The following GRID1 variants were observed in gnomAD, a reference collection of about 807,000 sequenced individuals.
The protein encoded by GRID1 is glutamate receptor ionotropic, delta-1.
In GRID1, 28 loss-of-function variants were observed where a neutral mutation model predicts 98.0. The observed-to-expected ratio is 0.29, with a 90% confidence interval of 0.21 to 0.39. GRID1 has a LOEUF of 0.39. GRID1 is among the 10% of genes least tolerant of loss of function. GRID1 has a pLI of 1.00. For synonymous variants in GRID1, 553 were observed against 538.5 expected (o/e 1.03, Z -0.37); for missense variants, 1,111 against 1,340.5 (o/e 0.83, Z 2.67).
chr10:85,955,333 C>T (rs1842175486), intron 4 of GRID1, among the ~76,000 whole-genome samples: 1 of 152,180 alleles, frequency 6.6e-6, no homozygotes, highest in Non-Finnish European at 1.5e-5. Context: ...CAAGAGGCCC[C>T]TCAGAACCTG....
At chr10:85,613,781 T>G in intron 14 of GRID1, 134 bp from the exon 15 acceptor site, 1 of 1,060,456 alleles carries the variant, frequency 9.4e-7, no homozygotes, top group Non-Finnish European at 1.4e-6. Flanking sequence ...CTGCCTTAGC[T>G]CTTCTCTTCC....
rs1419539370 is a variant in GRID1 at position 86,122,616 on chromosome 10, A to G, written c.726+16203T>C. ...TTTACCTATCTTCCTTTGGAAGCTA[A>G]AAGTAGCCAGATTTGAAAGGACACT... On this transcript the variant is annotated intron_variant, in intron 4 of 15. Transcript: ENST00000327946. 3.3e-5 allele frequency among the ~76,000 whole-genome samples: 5 copies of G among 152,258 alleles called. No individual in the cohort carries two copies. In the East Asian group the frequency reaches 9.6e-4, roughly 29 times the overall value.
intron 8 of GRID1, among the ~76,000 whole-genome samples, chr10:85,799,244 C>T (rs1842553432): frequency 6.6e-6 from 1 of 152,068 alleles, no homozygotes; most frequent in Admixed American, 6.5e-5. Flanking sequence ...GTTACTATTG[C>T]TTTGGGGTAT....
chr10:86,138,868 C>G lies in GRID1; in HGVS notation c.677G>C (p.Arg226Pro). 1 of 1,614,204 alleles carries G rather than the reference C, an allele frequency of 6.2e-7. No individual in the cohort carries two copies. Among genetic ancestry groups the G allele is most frequent in the Non-Finnish European group, 8.5e-7 (1 of 1,180,022 alleles). The change falls in exon 4 of 16, where the codon CGC (arginine) becomes CCC (proline). Residue 226 changes from arginine (R) to proline (P), a missense_variant. By Grantham distance (103) the Arg-to-Pro change is moderately radical. This residue lies in a region of GRID1 where 346 missense variants were observed against 452.3 expected (regional missense o/e 0.76). Transcript: ENST00000327946. ...CTGTGGGCTGAGCAGCAGGATGGCG[C>G]GGCGAAGCGTGTCCCGGTAGCGATT... Reference protein sequence around the residue: ...ELNRYRDTLRRAILLLSPQGA... With the variant: ...ELNRYRDTLRPAILLLSPQGA...
At chr10:85,685,021 T>G (rs1014766772) in intron 12 of GRID1, among the ~76,000 whole-genome samples, 16 of 152,180 alleles carry the variant, frequency 1.1e-4, no homozygotes, top group African/African-American at 3.4e-4. Flanking sequence ...CAGATGAGTT[T>G]TGGGGAGAGA....
chr10:86,026,175 ATTTG>A (rs1295415300), intron 4 of GRID1, among the ~76,000 whole-genome samples: 2 of 152,200 alleles, frequency 1.3e-5, no homozygotes, highest in Non-Finnish European at 2.9e-5. Flanking sequence ...GTTTCACACT[ATTTG>A]TTTGGGATAT....
intron 12 of GRID1, among the ~76,000 whole-genome samples, chr10:85,713,968 C>T (rs1221722887): frequency 6.6e-6 from 1 of 151,952 alleles, no homozygotes; most frequent in Non-Finnish European, 1.5e-5. Flanking sequence ...CTCACCATAT[C>T]TATTCAACAT....
intron 4 of GRID1, among the ~76,000 whole-genome samples, chr10:86,134,216 C>A (rs1270373639): frequency 1.3e-5 from 2 of 152,336 alleles, no homozygotes; most frequent in East Asian, 3.9e-4. Flanking sequence ...CATATCATAG[C>A]CAGTCTTGGA....
chr10:85,829,730 A>G (rs1842851052), intron 8 of GRID1, among the ~76,000 whole-genome samples: 1 of 152,204 alleles, frequency 6.6e-6, no homozygotes, highest in Admixed American at 6.5e-5. Flanking sequence ...ATACCTAGAA[A>G]TAAAGCTAAC....
intron 8 of GRID1, among the ~76,000 whole-genome samples, chr10:85,754,792 T>A (rs1274268635): frequency 2.0e-5 from 3 of 152,192 alleles, no homozygotes; most frequent in African/African-American, 7.2e-5. Context: ...CCTTGCAGAC[T>A]GTGTGACCTT....
chr10:85,821,516 C>CAAAAAAA (rs1157209045), intron 8 of GRID1, among the ~76,000 whole-genome samples: 352 of 9,064 alleles, frequency 0.039, no homozygotes, highest in Middle Eastern at 0.25. Context: ...GACTTCATCT[C>CAAAAAAA]AAAAAAAAAA....
chr10:85,677,228 CAGGT>C (rs933443793), intron 12 of GRID1, among the ~76,000 whole-genome samples: 3 of 152,170 alleles, frequency 2.0e-5, no homozygotes, highest in Non-Finnish European at 4.4e-5. Flanking sequence ...AAGTGGGACT[CAGGT>C]AGGTAAGTTT....
chr10:85,750,973 T>A (rs574628421), intron 8 of GRID1, among the ~76,000 whole-genome samples: 13 of 152,250 alleles, frequency 8.5e-5, no homozygotes, highest in African/African-American at 3.1e-4. Flanking sequence ...ACCCACAATG[T>A]TGGATAGTAA....
chr10:85,851,962 C>T (rs1426071330), intron 8 of GRID1, among the ~76,000 whole-genome samples: 2 of 152,060 alleles, frequency 1.3e-5, no homozygotes, highest in Non-Finnish European at 2.9e-5. Context: ...CCTTCACAGC[C>T]CCGTCTCCCA....
chr10:85,843,505 CA>C (rs1333663607), intron 8 of GRID1, among the ~76,000 whole-genome samples: 1 of 151,930 alleles, frequency 6.6e-6, no homozygotes, highest in African/African-American at 2.4e-5. Context: ...AAGCCAAATA[CA>C]AATTGCAATA....
chr10:86,089,378 CATTTGGAA>C (rs752972958), intron 4 of GRID1, among the ~76,000 whole-genome samples: 19,314 of 152,090 alleles, frequency 0.13, 1,864 homozygotes, highest in African/African-American at 0.27. Context: ...ACCTGGACTT[CATTTGGAA>C]CCTGGAACCC....
At chr10:85,761,992 G>T (rs1358874638) in intron 8 of GRID1, among the ~76,000 whole-genome samples, 1 of 152,196 alleles carries the variant, frequency 6.6e-6, no homozygotes, top group African/African-American at 2.4e-5. Flanking sequence ...TCTCCAATAT[G>T]TTGAAAACAT....
chr10:86,301,900 T>C (rs61856587), intron 2 of GRID1, among the ~76,000 whole-genome samples: 3,275 of 152,366 alleles, frequency 0.021, 44 homozygotes, highest in Middle Eastern at 0.054. Context: ...GGTGTCTTCA[T>C]TGGTTTTGTA....
At chr10:85,983,337 G>C (rs1280147691) in intron 4 of GRID1, among the ~76,000 whole-genome samples, 1 of 152,198 alleles carries the variant, frequency 6.6e-6, no homozygotes, top group African/African-American at 2.4e-5. Flanking sequence ...AAAGGAGTGA[G>C]GCACATGTGC....
Sources: allele counts gnomAD v4.1 joint callset (sites outside exome capture counted in the v4.1 genomes callset), GRCh38; gene constraint gnomAD v4.1.1; regional missense constraint gnomAD v4.1.1; transcripts MANE v1.5; gene names NCBI Gene and HGNC (gene_info 2026-07-23, HGNC 2026-07-21).